STAT5B: variants seen among roughly 807,000 people sequenced by gnomAD.
STAT5B encodes the protein transcription factor STAT5B.
In STAT5B, 21 loss-of-function variants were observed where a neutral mutation model predicts 107.8. The observed-to-expected ratio is 0.19, with a 90% confidence interval of 0.14 to 0.28. The LOEUF is 0.28. Among genes scored for constraint, STAT5B ranks in the 10% least tolerant of loss-of-function variants. The pLI is 1.00. For missense variants in STAT5B, 565 were observed against 1,008.2 expected, an observed-to-expected ratio of 0.56 and a Z score of 5.95; for synonymous variants, 325 against 401.7, an observed-to-expected ratio of 0.81 and a Z score of 2.28.
intron 2 of STAT5B, among the ~76,000 whole-genome samples, chr17:42,228,632 T>G: frequency 6.6e-6 from 1 of 152,146 alleles, no homozygotes; most frequent in Non-Finnish European, 1.5e-5. Context: ...CCAACAAGTG[T>G]ATCAAAACAG....
the STAT5B span, among the ~76,000 whole-genome samples, chr17:42,284,412 G>A: frequency 1.1e-4 from 16 of 152,240 alleles, no homozygotes; most frequent in African/African-American, 3.1e-4. Context: ...GACTACAGGT[G>A]TGCACCACCA....
In STAT5B at chr17:42,212,002, G is replaced by A. The variant is rs2080133462; in HGVS notation, c.1662C>T (p.Ser554=). Reference sequence around the variant, plus strand: ...TCCTCACCCTGTTGAACTGGGACCAGGACACAGACAGGCCACTGTAGTCCT... The same window carrying A: ...TCCTCACCCTGTTGAACTGGGACCAAGACACAGACAGGCCACTGTAGTCCT... ...HLEDYSGLSV[S]WSQFNRENLP... Residue 554 remains serine (S), a synonymous_variant, in exon 13 of 19, where the codon TCC becomes TCT. Coordinates refer to ENST00000293328, the MANE Select transcript of STAT5B (RefSeq NM_012448.4). 5 of 1,612,996 alleles carry A rather than the reference G, an allele frequency of 3.1e-6. No individual in the cohort carries two copies. In the East Asian group the frequency reaches 1.1e-4, roughly 36 times the overall value.
At chr17:42,271,421 AGAAAG>A (rs1241692471) in intron 1 of STAT5B, 1 of 152,258 alleles carries the variant, frequency 6.6e-6, no homozygotes. Flanking sequence ...CTAACTAGTC[AGAAAG>A]GAAAGTTTTC....
intron 16 of STAT5B, among the ~76,000 whole-genome samples, chr17:42,203,959 C>A (rs115586981): frequency 0.011 from 1,693 of 152,028 alleles, 27 homozygotes; most frequent in African/African-American, 0.039. Flanking sequence ...GAGGTGCATA[C>A]ACGTCAGGGA....
Position 42,242,504 on chromosome 17 carries a change from G to A in STAT5B, c.-10-10367C>T, listed in dbSNP as rs187198716. ...ATCATGGCATAAACTGACATTATGT[G>A]CCTCCAGATATGATTTGCTGAAAAG... is the stretch of plus-strand genomic sequence containing the variant. On this transcript the variant is annotated intron_variant, in intron 1 of 18. Coordinates refer to ENST00000293328, the MANE Select transcript of STAT5B (RefSeq NM_012448.4). 2.0e-5 allele frequency among the ~76,000 whole-genome samples: 3 copies of A among 152,212 alleles called. No homozygotes were observed. The East Asian group carries it at 5.8e-4, about 29-fold the overall frequency.
At chr17:42,230,290 G>C (rs2080307287) in intron 2 of STAT5B, among the ~76,000 whole-genome samples, 1 of 152,114 alleles carries the variant, frequency 6.6e-6, no homozygotes, top group Admixed American at 6.5e-5. Flanking sequence ...ACAGGTATAT[G>C]GCCCTTTGCA....
In STAT5B at chr17:42,262,445, T is replaced by C. The variant is rs1402816647; in HGVS notation, c.-11+13803A>G. 2.0e-5 allele frequency among the ~76,000 whole-genome samples: 3 copies of C among 151,696 alleles called. No individual in the cohort carries two copies. The East Asian group carries it at 5.8e-4, about 29-fold the overall frequency. ...ATGTAAATTTAATTAAGGCAGAACA[T>C]AAATCTCTGGTATTAGGAATGACTT... On this transcript the variant is annotated intron_variant, in intron 1 of 18. Transcript: ENST00000293328.
At chr17:42,214,173 G>A (rs1216420725) in intron 12 of STAT5B, 1 of 967,752 alleles carries the variant, frequency 1.0e-6, no homozygotes, top group Non-Finnish European at 1.2e-6. Context: ...AATAGCATAA[G>A]ATGTAAGTAG....
At chr17:42,249,248 C>A (rs1428282649) in intron 1 of STAT5B, among the ~76,000 whole-genome samples, 1 of 152,040 alleles carries the variant, frequency 6.6e-6, no homozygotes, top group Non-Finnish European at 1.5e-5. Flanking sequence ...ACAAAATTAG[C>A]TGGGTGTGGT....
At chr17:42,277,496 G>T (rs765767648), upstream of STAT5B, among the ~76,000 whole-genome samples, 2 of 152,096 alleles carry the variant, frequency 1.3e-5, no homozygotes, top group Admixed American at 6.5e-5. Context: ...AGCCACAAAG[G>T]TCTCCAGCTG....
intron 3 of STAT5B, among the ~76,000 whole-genome samples, chr17:42,226,119 G>C (rs887182853): frequency 3.3e-5 from 5 of 152,056 alleles, no homozygotes; most frequent in Admixed American, 3.3e-4. Flanking sequence ...ATTTTTAGTA[G>C]AGATGGGGTT....
chr17:42,201,553 C>CAA lies in STAT5B; in HGVS notation c.*183_*184dup, dbSNP rs1271722610. Reference sequence around the variant, plus strand: ...ACACACACACACACACACACACACACAAACACATACTCGCACTCCCTTCGC... The same window carrying CAA: ...ACACACACACACACACACACACACACAAAAACACATACTCGCACTCCCTTCGC... On this transcript the variant is annotated 3_prime_UTR_variant, in exon 19 of 19. Coordinates refer to ENST00000293328, the MANE Select transcript of STAT5B (RefSeq NM_012448.4). 13 of 667,266 alleles carry CAA rather than the reference C, an allele frequency of 1.9e-5. No individual in the cohort carries two copies. The highest frequency in any genetic ancestry group is 3.6e-5 in the African/African-American group (2 of 55,330). 41.3% of individuals were successfully genotyped at this position (667,266 alleles called of 1,614,324 possible).
intron 3 of STAT5B, 110 bp from the exon 4 acceptor site, chr17:42,224,978 C>G (rs1467505717): frequency 3.3e-5 from 34 of 1,020,154 alleles, no homozygotes; most frequent in Non-Finnish European, 4.9e-5. Context: ...ACAGGAGGCA[C>G]TGTTCCTCCA....
At chr17:42,245,963 G>A (rs940341880) in intron 1 of STAT5B, among the ~76,000 whole-genome samples, 2 of 152,124 alleles carry the variant, frequency 1.3e-5, no homozygotes, top group Non-Finnish European at 2.9e-5. Flanking sequence ...CTGGCCTGTA[G>A]ACACATTTTT....
rs373852784 is a variant in STAT5B, at chr17:42,200,178, T to C, written c.*1560A>G. On this transcript the variant is annotated 3_prime_UTR_variant, in exon 19 of 19. Coordinates refer to ENST00000293328, the MANE Select transcript of STAT5B (RefSeq NM_012448.4). Reference sequence around the variant, plus strand: ...AAATAATTTACTATAGAGGAATATTTTTAACGGCAAAACACTGATAAATTC... The same window carrying C: ...AAATAATTTACTATAGAGGAATATTCTTAACGGCAAAACACTGATAAATTC... 2 of 152,844 alleles carry C rather than the reference T, an allele frequency of 1.3e-5. No individual in the cohort carries two copies. The highest frequency in any genetic ancestry group is 2.1e-4 in the South Asian group (1 of 4,830). 9.5% of individuals were successfully genotyped at this position (152,844 alleles called of 1,614,324 possible).
intron 1 of STAT5B, among the ~76,000 whole-genome samples, chr17:42,243,828 A>G (rs146266168): frequency 1.0e-3 from 157 of 152,242 alleles, no homozygotes; most frequent in Non-Finnish European, 1.8e-3. Context: ...CTTGCAGGCC[A>G]CCAGCATGCA....
chr17:42,262,184 A>AG, intron 1 of STAT5B, among the ~76,000 whole-genome samples: 1 of 152,210 alleles, frequency 6.6e-6, no homozygotes, highest in Admixed American at 6.5e-5. Context: ...ATTCTGAGAC[A>AG]GGGTCTTTCT....
At position 42,219,806 on chromosome 17, in the gene STAT5B, T is replaced by C; in HGVS notation, c.587A>G (p.Glu196Gly). Residue 196 changes from glutamate to glycine, a missense_variant, in exon 6 of 19, where the codon GAG (glutamate) becomes GGG (glycine). This residue lies in a region of STAT5B where 56 missense variants were observed against 104.5 expected (regional missense o/e 0.54). Transcript: ENST00000293328. ...GAGGGCCGTCTCCCGGCTCAGACGC[T>C]CCTGGGGGCTCAGCTGGGCCAGCGG... ...FGPLAQLSPQ[E>G]RLSRETALQQ... 6.2e-7 allele frequency: 1 copy of C among 1,613,930 alleles called. No homozygotes were observed. The highest frequency in any genetic ancestry group is 8.5e-7 in the Non-Finnish European group (1 of 1,179,984).
intron 1 of STAT5B, among the ~76,000 whole-genome samples, chr17:42,249,649 A>T (rs2080481493): frequency 6.6e-6 from 1 of 151,942 alleles, no homozygotes; most frequent in Non-Finnish European, 1.5e-5. Flanking sequence ...CAAAAAGGGG[A>T]AGAGGATAGA....
Sources: gnomAD v4.1 joint callset for allele counts (sites outside exome capture counted in the v4.1 genomes callset) on GRCh38, gnomAD v4.1.1 for gene constraint, gnomAD v4.1.1 regional missense constraint, MANE v1.5 for transcripts, NCBI Gene and HGNC (gene_info 2026-07-23, HGNC 2026-07-21) for gene names.